MYO5C: variants seen among roughly 807,000 people sequenced by gnomAD.
MYO5C encodes the protein unconventional myosin-Vc.
A neutral mutation model predicts 235.7 loss-of-function variants in MYO5C; 194 were observed. The observed-to-expected ratio is 0.82, with a 90% confidence interval of 0.73 to 0.93. MYO5C has a LOEUF of 0.93. Among genes scored for constraint, MYO5C ranks in the 40% least tolerant of loss-of-function variants. The pLI is 0.00. For missense variants in MYO5C, 2,038 were observed against 2,127.2 expected (o/e 0.96, Z 0.82); for synonymous variants, 707 against 754.8 (o/e 0.94, Z 1.04).
intron 38 of MYO5C, among the ~76,000 whole-genome samples, chr15:52,204,146 C>G (rs1240174246): frequency 2.0e-5 from 3 of 152,124 alleles, no homozygotes; most frequent in African/African-American, 7.2e-5. Context: ...AAACTAGATT[C>G]CCAAGTCTTC....
intron 1 of MYO5C, among the ~76,000 whole-genome samples, chr15:52,290,157 T>G (rs1355355031): frequency 1.3e-5 from 2 of 152,122 alleles, no homozygotes; most frequent in Admixed American, 1.3e-4. Context: ...AAGAGCCTGG[T>G]CTTTGTGCTT....
At chr15:52,278,674 G>C (rs1218891957) in intron 4 of MYO5C, among the ~76,000 whole-genome samples, 199 bp downstream of exon 4, 2 of 152,184 alleles carry the variant, frequency 1.3e-5, no homozygotes, top group Admixed American at 6.5e-5. Context: ...ACAAAACCCA[G>C]GAAACTCCAG....
intron 10 of MYO5C, among the ~76,000 whole-genome samples, chr15:52,258,313 GC>G (rs2036623243): frequency 6.6e-6 from 1 of 152,164 alleles, no homozygotes; most frequent in South Asian, 2.1e-4. Context: ...TGCAAGAGAG[GC>G]CCCATCTTGT....
intron 21 of MYO5C, among the ~76,000 whole-genome samples, chr15:52,238,260 C>T (rs1046544372): frequency 1.3e-5 from 2 of 152,196 alleles, no homozygotes; most frequent in South Asian, 2.1e-4. Flanking sequence ...GTCAGTGATA[C>T]TTTGCTATGA....
intron 32 of MYO5C, 48 bp from the exon 33 acceptor site, chr15:52,214,738 C>CAA: frequency 1.7e-6 from 2 of 1,202,748 alleles, no homozygotes; most frequent in Non-Finnish European, 2.2e-6. Flanking sequence ...GCACTTTAAT[C>CAA]TATTTTTTTT....
chr15:52,256,752 AC>A (rs2036594672), intron 10 of MYO5C, 32 bp from the exon 11 acceptor site: 1 of 1,521,588 alleles, frequency 6.6e-7, no homozygotes, highest in Admixed American at 1.7e-5. Flanking sequence ...TTAAAATATA[AC>A]CTGAAGCAAG....
Position 52,254,408 on chromosome 15 carries a change from C to A in MYO5C, c.1396-951G>T, listed in dbSNP as rs923319591. 3.3e-5 allele frequency among the ~76,000 whole-genome samples: 5 copies of A among 152,170 alleles called. No homozygotes were observed. In the East Asian group the frequency reaches 9.6e-4, roughly 29 times the overall value. On this transcript the variant is annotated intron_variant, in intron 11 of 40. Transcript: ENST00000261839. ...TCAGGACATGGGGTCCATGGCGTGA[C>A]TTGACCACAGAAAGTCACGTGGAGG...
chr15:52,256,944 A>G, intron 10 of MYO5C: 1 of 459,780 alleles, frequency 2.2e-6, no homozygotes, highest in Non-Finnish European at 3.9e-6. Context: ...TAAAACACCT[A>G]CCTCAAGCCA....
In MYO5C at chr15:52,260,885, A is replaced by C. The variant is rs1255390730; in HGVS notation, c.1290T>G (p.Phe430Leu). ...ACCCATAAATGTCCAAAACACCAATAAAAGTGTGCTGCTTGCCTGAAAACT... is the reference window on the plus strand; with the variant it reads ...ACCCATAAATGTCCAAAACACCAATCAAAGTGTGCTGCTTGCCTGAAAACT... The part of the protein sequence containing the change: ...ALQFSGKQHT[F>L]IGVLDIYGFE... Residue 430 changes from phenylalanine to leucine, a missense_variant, in exon 10 of 41, where the codon TTT (phenylalanine) becomes TTG (leucine). Transcript: ENST00000261839. 1.2e-6 allele frequency: 2 copies of C among 1,614,106 alleles called. No individual in the cohort carries two copies. The highest frequency in any genetic ancestry group is 2.7e-5 in the African/African-American group (2 of 74,932).
Position 52,239,717 on chromosome 15 carries a change from C to A in MYO5C, c.2703+16G>T, listed in dbSNP as rs748876659. ...TAAGAAAAAGTAAATGTAAAAGATG[C>A]ACTATGAGCACCTACCTGATCTTCC... On this transcript the variant is annotated intron_variant, in intron 21 of 40. Coordinates refer to ENST00000261839, the MANE Select transcript of MYO5C (RefSeq NM_018728.4). The A allele has an allele frequency of 1.3e-6, 2 of 1,573,444 alleles. No homozygotes were observed. The highest frequency in any genetic ancestry group is 1.2e-5 in the South Asian group (1 of 85,784).
chr15:52,216,221 G>A (rs1311410381), intron 32 of MYO5C, among the ~76,000 whole-genome samples: 1 of 152,114 alleles, frequency 6.6e-6, no homozygotes, highest in East Asian at 1.9e-4. Flanking sequence ...ATTATTAGTA[G>A]TAGTATTTTT....
At position 52,242,052 on chromosome 15, in the gene MYO5C, C is replaced by T. The variant is rs779928665; in HGVS notation, c.2552G>A (p.Arg851Gln). 28 of 1,609,506 alleles carry T rather than the reference C, an allele frequency of 1.7e-5. No homozygotes were observed. Among genetic ancestry groups the T allele is most frequent in the Non-Finnish European group, 2.2e-5 (26 of 1,177,764 alleles). Residue 851 changes from arginine (R) to glutamine (Q), a missense_variant, in exon 20 of 41, where the codon CGA becomes CAA. Arg to Gln is a conservative substitution (Grantham distance 43, BLOSUM62 1). Coordinates refer to ENST00000261839, the MANE Select transcript of MYO5C (RefSeq NM_018728.4). ...CTAGACAGAGGTTGGCCTCACCTTT[C>T]GATACCTCCTCCTTGCCAGGAATCC... ...SRGFLARRRY[R>Q]KMLEEHKAVI...
chr15:52,213,500 A>G (rs1379933007), intron 33 of MYO5C: 5 of 446,508 alleles, frequency 1.1e-5, no homozygotes, highest in Non-Finnish European at 2.0e-5. Flanking sequence ...TGCTGCTGAA[A>G]AGGCCCAATT....
intron 1 of MYO5C, among the ~76,000 whole-genome samples, chr15:52,287,872 A>G (rs1275364871): frequency 6.6e-6 from 1 of 152,006 alleles, no homozygotes; most frequent in Non-Finnish European, 1.5e-5. Flanking sequence ...GCTACTTGGG[A>G]GGCTGAGGCA....
chr15:52,235,849 T>A, intron 22 of MYO5C, 86 bp from the exon 23 acceptor site: 1 of 817,858 alleles, frequency 1.2e-6, no homozygotes, highest in Non-Finnish European at 2.0e-6. Context: ...AAAAGATGTA[T>A]ATTCTTAAAT....
chr15:52,292,448 C>A (rs995259296), intron 1 of MYO5C, among the ~76,000 whole-genome samples: 1 of 152,210 alleles, frequency 6.6e-6, no homozygotes, highest in Non-Finnish European at 1.5e-5. Context: ...TAGCAACTTA[C>A]CTGACCTGAG....
chr15:52,196,272 G>C (rs1388037560), intron 39 of MYO5C, 37 bp downstream of exon 39: 1 of 1,553,042 alleles, frequency 6.4e-7, no homozygotes, highest in Non-Finnish European at 8.7e-7. Flanking sequence ...TGATGTGTCA[G>C]GGAAGAGCCA....
At chr15:52,264,328 C>T (rs1349540847) in intron 8 of MYO5C, 32 bp from the exon 9 acceptor site, 1 of 1,516,568 alleles carries the variant, frequency 6.6e-7, no homozygotes, top group African/African-American at 1.4e-5. Flanking sequence ...GATTAGAATA[C>T]TGCATCTCTT....
chr15:52,249,049 G>T (rs2036415137), intron 13 of MYO5C, among the ~76,000 whole-genome samples: 1 of 152,220 alleles, frequency 6.6e-6, no homozygotes, highest in Admixed American at 6.5e-5. Flanking sequence ...CAGGGGTCCA[G>T]TTGCTCCCTG....
Sources: allele counts gnomAD v4.1 joint callset (sites outside exome capture counted in the v4.1 genomes callset), GRCh38; gene constraint gnomAD v4.1.1; transcripts MANE v1.5; gene names NCBI Gene and HGNC (gene_info 2026-07-23, HGNC 2026-07-21).